MSH3: variants seen among roughly 807,000 people sequenced by gnomAD.
MSH3 encodes the protein DNA mismatch repair protein Msh3.
In MSH3, 106 loss-of-function variants were observed where a neutral mutation model predicts 123.3. The ratio of observed to expected loss-of-function variants is 0.86; its 90% CI spans 0.73 to 1.01. The LOEUF is 1.01. Ranked by LOEUF, MSH3 falls within the 50% of genes least tolerant of loss-of-function variation. The probability of loss-of-function intolerance (pLI) is 0.00; values close to 1 mark genes in which losing one functional copy is unlikely to be tolerated. For synonymous variants in MSH3, 515 were observed against 481.4 expected (o/e 1.07, Z -0.91); for missense variants, 1,459 against 1,347.6 (o/e 1.08, Z -1.29).
intron 20 of MSH3, among the ~76,000 whole-genome samples, chr5:80,839,196 A>C (rs1371691725): frequency 6.6e-6 from 1 of 152,132 alleles, no homozygotes; most frequent in Non-Finnish European, 1.5e-5. Flanking sequence ...CCGAAACCCC[A>C]TCTCTACTAA....
Position 80,778,709 on chromosome 5 carries a change from C to T in MSH3, c.2319-11C>T, listed in dbSNP as rs376345436. Reference sequence around the variant, plus strand: ...CTTGATTTCCTATTTGTGTTCTTTCCCCTCTTCTAGCACAAAAGCTGTGAG... The same window carrying T: ...CTTGATTTCCTATTTGTGTTCTTTCTCCTCTTCTAGCACAAAAGCTGTGAG... On this transcript the variant is annotated splice_polypyrimidine_tract_variant and intron_variant, in intron 16 of 23. Coordinates refer to ENST00000265081, the MANE Select transcript of MSH3 (RefSeq NM_002439.5). 6.5e-5 allele frequency: 97 copies of T among 1,494,014 alleles called. No individual in the cohort carries two copies. The highest frequency in any genetic ancestry group is 8.5e-5 in the Non-Finnish European group (91 of 1,070,516). 92.5% of individuals were successfully genotyped at this position (1,494,014 alleles called of 1,614,324 possible). A position where few individuals can be genotyped will look rare whatever the true frequency, so the allele number is the denominator to read the frequency against.
At chr5:80,805,589 CT>C (rs577974224) in intron 19 of MSH3, among the ~76,000 whole-genome samples, 11,420 of 44,876 alleles carry the variant, frequency 0.25, 699 homozygotes, top group South Asian at 0.39. Context: ...CCCCCCCCCC[CT>C]ACCTTTTTTT....
chr5:80,654,982 C>A lies in MSH3; in HGVS notation c.237+18C>A. ...CGCACATAGTAGGTTCTGTCTGGGA[C>A]TGGGCAGGGCCATCGGGGCTGGGGG... On this transcript the variant is annotated intron_variant, in intron 1 of 23. Transcript: ENST00000265081. 7.1e-7 allele frequency: 1 copy of A among 1,399,530 alleles called. No individual in the cohort carries two copies. Among genetic ancestry groups the A allele is most frequent in the Non-Finnish European group, 9.4e-7 (1 of 1,063,306 alleles). 86.7% of individuals were successfully genotyped at this position (1,399,530 alleles called of 1,614,324 possible). A position where few individuals can be genotyped will look rare whatever the true frequency, so the allele number is the denominator to read the frequency against.
At chr5:80,828,225 G>A (rs1319018193) in intron 20 of MSH3, among the ~76,000 whole-genome samples, 2 of 152,164 alleles carry the variant, frequency 1.3e-5, no homozygotes, top group Non-Finnish European at 2.9e-5. Flanking sequence ...GCATCACATG[G>A]CAAGGGGGCT....
At chr5:80,849,136 G>A (rs190752824) in intron 20 of MSH3, among the ~76,000 whole-genome samples, 1 of 152,230 alleles carries the variant, frequency 6.6e-6, no homozygotes, top group African/African-American at 2.4e-5. Context: ...CTCCAAAATG[G>A]TATCTTTTGA....
At chr5:80,667,459 C>T (rs964318938) in intron 3 of MSH3, among the ~76,000 whole-genome samples, 15 of 152,146 alleles carry the variant, frequency 9.9e-5, no homozygotes, top group Admixed American at 1.3e-4. Flanking sequence ...TGCCTTTGCC[C>T]GAGTTTTTAC....
chr5:80,734,990 A>T (rs1743478014), intron 10 of MSH3, among the ~76,000 whole-genome samples: 1 of 152,196 alleles, frequency 6.6e-6, no homozygotes, highest in Admixed American at 6.5e-5. Context: ...TCATGCAGTT[A>T]CTTTTTTATG....
intron 23 of MSH3, among the ~76,000 whole-genome samples, chr5:80,874,685 G>T (rs1409443944): frequency 1.3e-5 from 2 of 151,898 alleles, no homozygotes; most frequent in Non-Finnish European, 2.9e-5. Flanking sequence ...TTCTAAATTT[G>T]CTGTAGAAAT....
At chr5:80,824,285 C>T (rs1745251955) in intron 20 of MSH3, among the ~76,000 whole-genome samples, 1 of 152,140 alleles carries the variant, frequency 6.6e-6, no homozygotes, top group South Asian at 2.1e-4. Flanking sequence ...CAGAGGCGCC[C>T]CTCACCTCCC....
intron 19 of MSH3, among the ~76,000 whole-genome samples, chr5:80,800,302 C>G (rs550083422): frequency 6.6e-6 from 1 of 152,306 alleles, no homozygotes; most frequent in South Asian, 2.1e-4. Flanking sequence ...CTGTGTGTGG[C>G]CTCCTTAGGC....
At chr5:80,796,118 G>A (rs1312470366) in intron 19 of MSH3, among the ~76,000 whole-genome samples, 1 of 151,920 alleles carries the variant, frequency 6.6e-6, no homozygotes, top group Non-Finnish European at 1.5e-5. Context: ...AGAACTATAA[G>A]TTTCTTAAAA....
chr5:80,700,943 A>G (rs1750594979), intron 8 of MSH3, among the ~76,000 whole-genome samples: 1 of 152,168 alleles, frequency 6.6e-6, no homozygotes, highest in Non-Finnish European at 1.5e-5. Context: ...GGTGTGCTGC[A>G]TTTGTTTTAC....
intron 8 of MSH3, among the ~76,000 whole-genome samples, chr5:80,712,597 G>GT (rs1050343330): frequency 7.2e-5 from 11 of 151,924 alleles, no homozygotes; most frequent in East Asian, 3.9e-4. Context: ...GAATTTTGGG[G>GT]TTTTTTTCCC....
Position 80,792,679 on chromosome 5 carries a change from T to A in MSH3, c.2544-54T>A. 7.2e-6 allele frequency: 8 copies of A among 1,109,610 alleles called. No individual in the cohort carries two copies. In the South Asian group the frequency reaches 1.1e-4, roughly 15 times the overall value. The allele number at this position is 1,109,610 out of a possible 1,614,324, so 68.7% of individuals were successfully genotyped here. The stretch of plus-strand genomic sequence containing the variant: ...ATTTTTCATGCTATCTTAGAGTTTT[T>A]TTTTTAAGGCTATTTCCATGCCTAG... On this transcript the variant is annotated intron_variant, in intron 18 of 23. Transcript: ENST00000265081.
At chr5:80,805,457 T>G (rs182619328) in intron 19 of MSH3, among the ~76,000 whole-genome samples, 143 of 152,338 alleles carry the variant, frequency 9.4e-4, no homozygotes, top group African/African-American at 3.3e-3. Flanking sequence ...TTAGAAAATT[T>G]GAGATACTCT....
intron 10 of MSH3, among the ~76,000 whole-genome samples, chr5:80,738,764 C>T (rs1037743461): frequency 1.3e-5 from 2 of 152,128 alleles, no homozygotes; most frequent in Non-Finnish European, 2.9e-5. Context: ...ATGTTTGTGC[C>T]CTTCAAAATT....
At chr5:80,834,670 A>G (rs779391488) in intron 20 of MSH3, among the ~76,000 whole-genome samples, 19 of 147,662 alleles carry the variant, frequency 1.3e-4, no homozygotes, top group Non-Finnish European at 2.7e-4. Context: ...ATAAATATAA[A>G]ATAATAATAC....
At position 80,775,728 on chromosome 5, in the gene MSH3, G is replaced by A. The variant is rs373251342; in HGVS notation, c.2288G>A (p.Cys763Tyr). ...GAAATAAAGAACTCTGCTGTATCTT[G>A]TATACCAACTGATTGGGTAAAGGTT... ...MIEIKNSAVSCIPTDWVKVGS... is the reference protein window; with the variant it reads ...MIEIKNSAVSYIPTDWVKVGS... Residue 763 changes from cysteine to tyrosine, a missense_variant, in exon 16 of 24, where the codon TGT becomes TAT. By Grantham distance (194) the Cys-to-Tyr change is radical. Transcript: ENST00000265081. 3 of 1,589,082 alleles carry A rather than the reference G, an allele frequency of 1.9e-6. No individual in the cohort carries two copies. Among genetic ancestry groups the A allele is most frequent in the Middle Eastern group, 1.7e-4 (1 of 6,012 alleles).
At chr5:80,823,146 T>C (rs32984) in intron 20 of MSH3, among the ~76,000 whole-genome samples, 131,665 of 152,192 alleles carry the variant, frequency 0.87, 57,050 homozygotes, top group East Asian at 1. Context: ...TAAATATATG[T>C]GGAGAAAACC....
Sources: gnomAD v4.1 joint callset for allele counts (sites outside exome capture counted in the v4.1 genomes callset) on GRCh38, gnomAD v4.1.1 for gene constraint, MANE v1.5 for transcripts, NCBI Gene and HGNC (gene_info 2026-07-23, HGNC 2026-07-21) for gene names.